TAFA2: variants seen among roughly 807,000 people sequenced by gnomAD.
TAFA2 encodes the protein chemokine-like protein TAFA-2.
In TAFA2, 7 loss-of-function variants were observed where a neutral mutation model predicts 18.8. That is an observed-to-expected ratio of 0.37 (90% CI 0.21 to 0.70). The LOEUF (loss-of-function observed/expected upper bound fraction) is 0.70, where lower values mean the gene tolerates loss of function less well. TAFA2 is among the 30% of genes least tolerant of loss of function. The pLI, the probability that TAFA2 is intolerant of heterozygous loss-of-function variation, is 0.53. For synonymous variants in TAFA2, 60 were observed against 54.2 expected (o/e 1.11, Z -0.47); for missense variants, 122 against 158.1 (o/e 0.77, Z 1.23).
intron 1 of TAFA2, among the ~76,000 whole-genome samples, chr12:62,091,211 T>C (rs1287258677): frequency 6.6e-6 from 1 of 151,970 alleles, no homozygotes; most frequent in African/African-American, 2.4e-5. Flanking sequence ...CCACAGTGAA[T>C]TTTTTCTTTC....
At chr12:61,808,923 A>G (rs971186060) in intron 2 of TAFA2, among the ~76,000 whole-genome samples, 2 of 151,610 alleles carry the variant, frequency 1.3e-5, no homozygotes, top group Non-Finnish European at 2.9e-5. Context: ...ATTATCTATT[A>G]CATCTATTAC....
At chr12:61,868,966 G>C (rs1874474516) in intron 1 of TAFA2, among the ~76,000 whole-genome samples, 1 of 152,110 alleles carries the variant, frequency 6.6e-6, no homozygotes, top group African/African-American at 2.4e-5. Flanking sequence ...CTGTAGCATA[G>C]GATAATGTAT....
At chr12:61,934,814 A>G (rs995950689) in intron 1 of TAFA2, among the ~76,000 whole-genome samples, 1 of 152,236 alleles carries the variant, frequency 6.6e-6, no homozygotes, top group Non-Finnish European at 1.5e-5. Flanking sequence ...CAGGAAAAGA[A>G]TAAGTAAATA....
rs1251873537 is a variant in TAFA2 at position 61,709,546 on chromosome 12, A to G, written c.*860T>C. The G allele has an allele frequency of 1.3e-5, 2 of 152,104 alleles. No individual in the cohort carries two copies. Among genetic ancestry groups the G allele is most frequent in the Non-Finnish European group, 2.9e-5 (2 of 67,990 alleles). The allele number at this position is 152,104 out of a possible 1,614,324, so 9.4% of individuals were successfully genotyped here. ...TTTTGAAACTGAAGGCTACCCATTAACTTGACTGCTCACTGCTGATTTCTG... is the reference window on the plus strand; with the variant it reads ...TTTTGAAACTGAAGGCTACCCATTAGCTTGACTGCTCACTGCTGATTTCTG... On this transcript the variant is annotated 3_prime_UTR_variant, in exon 5 of 5. Coordinates refer to ENST00000416284, the MANE Select transcript of TAFA2 (RefSeq NM_178539.5).
intron 1 of TAFA2, among the ~76,000 whole-genome samples, chr12:61,892,418 G>A (rs113388239): frequency 9.8e-5 from 15 of 152,338 alleles, no homozygotes; most frequent in African/African-American, 3.6e-4. Flanking sequence ...GCATGTAAAT[G>A]AGCTCACTCA....
At chr12:61,944,931 G>A (rs1347975476) in intron 1 of TAFA2, among the ~76,000 whole-genome samples, 5 of 135,636 alleles carry the variant, frequency 3.7e-5, no homozygotes, top group Admixed American at 7.6e-5. Context: ...TAGAAAAAGA[G>A]GGAATCCTCC....
At chr12:62,065,393 C>A (rs748018853) in intron 1 of TAFA2, among the ~76,000 whole-genome samples, 1 of 151,992 alleles carries the variant, frequency 6.6e-6, no homozygotes, top group South Asian at 2.1e-4. Flanking sequence ...GACTAGGATT[C>A]TGTGAATAAA....
chr12:62,224,060 C>G (rs1156994139), intron 1 of TAFA2, among the ~76,000 whole-genome samples: 1 of 148,288 alleles, frequency 6.7e-6, no homozygotes, highest in Non-Finnish European at 1.5e-5. Context: ...AATGAATAAA[C>G]AAAATGTGTT....
At chr12:62,021,486 T>TTTTTTTTTTTTA in intron 1 of TAFA2, 2 of 604,632 alleles carry the variant, frequency 3.3e-6, no homozygotes, top group Admixed American at 2.5e-5. Flanking sequence ...TTTTTTTTTT[T>TTTTTTTTTTTTA]CTGTCTTTGT....
At chr12:61,924,034 A>G (rs951178538) in intron 1 of TAFA2, among the ~76,000 whole-genome samples, 1 of 150,048 alleles carries the variant, frequency 6.7e-6, no homozygotes, top group Admixed American at 6.7e-5. Context: ...ACAAGATTAG[A>G]GAGAAAAAAA....
chr12:61,982,916 G>A (rs1879689610), intron 1 of TAFA2, among the ~76,000 whole-genome samples: 1 of 121,420 alleles, frequency 8.2e-6, no homozygotes, highest in African/African-American at 2.8e-5. Flanking sequence ...AAAAACTTCT[G>A]ACCCAAATGC....
intron 1 of TAFA2, among the ~76,000 whole-genome samples, chr12:62,228,700 G>A (rs2062798812): frequency 6.6e-6 from 1 of 151,928 alleles, no homozygotes; most frequent in South Asian, 2.1e-4. Flanking sequence ...GATTTTTTTG[G>A]TTATTCAGGA....
At chr12:61,980,741 G>A (rs6581436) in intron 1 of TAFA2, among the ~76,000 whole-genome samples, 127,246 of 152,100 alleles carry the variant, frequency 0.84, 53,512 homozygotes, top group Non-Finnish European at 0.88. Flanking sequence ...CTAAGAATCC[G>A]ACTTACAAGG....
At chr12:61,861,033 C>A (rs1395607943) in intron 2 of TAFA2, among the ~76,000 whole-genome samples, 1 of 152,146 alleles carries the variant, frequency 6.6e-6, no homozygotes, top group African/African-American at 2.4e-5. Context: ...TCACTGCAAC[C>A]TCTGCCTCCT....
chr12:61,738,645 C>A (rs929585246), intron 4 of TAFA2, among the ~76,000 whole-genome samples: 2 of 152,054 alleles, frequency 1.3e-5, no homozygotes, highest in African/African-American at 4.8e-5. Context: ...GTCCAACAGT[C>A]CCCACCTGAC....
intron 1 of TAFA2, among the ~76,000 whole-genome samples, chr12:62,160,755 C>T (rs889996360): frequency 1.1e-4 from 16 of 152,144 alleles, no homozygotes; most frequent in Admixed American, 9.8e-4. Flanking sequence ...TTTCCTCCCA[C>T]GTTCTATACC....
At chr12:61,880,435 G>A in intron 1 of TAFA2, 2 of 539,596 alleles carry the variant, frequency 3.7e-6, no homozygotes, top group Non-Finnish European at 7.5e-6. Flanking sequence ...CACAGCAGCT[G>A]CGTGTATACC....
chr12:61,989,402 G>A (rs1467741195), intron 1 of TAFA2, among the ~76,000 whole-genome samples: 1 of 132,894 alleles, frequency 7.5e-6, no homozygotes, highest in Admixed American at 8.3e-5. Flanking sequence ...AACCCTAAAA[G>A]AGCAAAACAT....
chr12:61,892,707 C>A (rs1471043659), intron 1 of TAFA2, among the ~76,000 whole-genome samples: 1 of 152,096 alleles, frequency 6.6e-6, no homozygotes, highest in Non-Finnish European at 1.5e-5. Flanking sequence ...GGTATGGTGG[C>A]ACATGCCTGT....
Sources: gnomAD v4.1 joint callset for allele counts (sites outside exome capture counted in the v4.1 genomes callset) on GRCh38, gnomAD v4.1.1 for gene constraint, MANE v1.5 for transcripts, NCBI Gene and HGNC (gene_info 2026-07-23, HGNC 2026-07-21) for gene names.